Variants in STAC3 observed in about 807,000 individuals in gnomAD.
STAC3 encodes the protein SH3 and cysteine-rich domain-containing protein 3.
Under a neutral mutation model 48.5 loss-of-function variants are expected in STAC3, and 30 were observed. That is an observed-to-expected ratio of 0.62 (90% confidence interval 0.46 to 0.84). STAC3 has a LOEUF of 0.84. Among genes scored for constraint, STAC3 ranks in the 40% least tolerant of loss-of-function variants. The probability of loss-of-function intolerance (pLI) is 0.00; values close to 1 mark genes in which losing one functional copy is unlikely to be tolerated. For synonymous variants in STAC3, 144 were observed against 158.6 expected (o/e 0.91, Z 0.69); for missense variants, 419 against 462.6 (o/e 0.91, Z 0.86).
intron 7 of STAC3, 68 bp from the exon 8 acceptor site, chr12:57,245,033 T>G: frequency 6.2e-7 from 1 of 1,605,346 alleles, no homozygotes; most frequent in South Asian, 1.1e-5. Flanking sequence ...TACCCTTTTG[T>G]GGAAGGGCCT....
At position 57,248,763 on chromosome 12, in the gene STAC3, G is replaced by C; in HGVS notation, c.375C>G (p.Thr125=). Residue 125 remains threonine, a synonymous_variant, in exon 4 of 12, where the codon ACC becomes ACG. Coordinates refer to ENST00000332782, the MANE Select transcript of STAC3 (RefSeq NM_145064.3). ...AGGACTGACAGTGTTCATGGATGTT[G>C]GTTTTGCAGTTCTTACAGCGAAGCC... is the stretch of plus-strand genomic sequence containing the variant. ...KFGLRCKNCK[T]NIHEHCQSYV... 1 of 1,614,108 alleles carries C rather than the reference G, an allele frequency of 6.2e-7. No individual in the cohort carries two copies. The highest frequency in any genetic ancestry group is 8.5e-7 in the Non-Finnish European group (1 of 1,179,988).
chr12:57,249,766 T>C (rs1161213853), intron 1 of STAC3, 129 bp from the exon 2 acceptor site: 1 of 1,001,798 alleles, frequency 1.0e-6, no homozygotes, highest in Non-Finnish European at 1.5e-6. Flanking sequence ...TTTGCTGTTG[T>C]TACTGTTGAG....
At position 57,246,856 on chromosome 12, in the gene STAC3, C is replaced by T. The variant is rs1290103354; in HGVS notation, c.551G>A (p.Gly184Glu). The T allele has an allele frequency of 6.2e-7, 1 of 1,613,820 alleles. No homozygotes were observed. Among genetic ancestry groups the T allele is most frequent in the Non-Finnish European group, 8.5e-7 (1 of 1,179,922 alleles). Residue 184 changes from glycine to glutamate, a missense_variant, in exon 6 of 12, where the codon GGG (glycine) becomes GAG (glutamate). Coordinates refer to ENST00000332782, the MANE Select transcript of STAC3 (RefSeq NM_145064.3). Reference sequence around the variant, plus strand: ...CCGTTCCTTGTTTGCCATGATCACCCCAGTGCGCAGGGTTTCAAACACAGG... The same window carrying T: ...CCGTTCCTTGTTTGCCATGATCACCTCAGTGCGCAGGGTTTCAAACACAGG... ...NDPVFETLRT[G>E]VIMANKERKK...
At position 57,249,565 on chromosome 12, in the gene STAC3, A is replaced by C; in HGVS notation, c.66+6T>G. ...CCACACCCAGTGGTCAGAGGCCCAG[A>C]CTCACCCCACTTTGCCGAGTCTCTG... On this transcript the variant is annotated splice_donor_region_variant and intron_variant, in intron 2 of 11. Transcript: ENST00000332782. 3.1e-6 allele frequency: 5 copies of C among 1,613,572 alleles called. No homozygotes were observed. The South Asian group carries it at 5.5e-5, about 18-fold the overall frequency.
intron 3 of STAC3, 84 bp downstream of exon 3, chr12:57,248,957 T>C: frequency 6.4e-7 from 1 of 1,557,904 alleles, no homozygotes; most frequent in South Asian, 1.2e-5. Flanking sequence ...ACAGCCCATC[T>C]GCTACAAATA....
chr12:57,246,866 G>A lies in STAC3; in HGVS notation c.541C>T (p.Leu181=), dbSNP rs776550199. 7.4e-6 allele frequency: 12 copies of A among 1,613,884 alleles called. No individual in the cohort carries two copies. In the South Asian group the frequency reaches 9.9e-5, roughly 13 times the overall value. The part of the protein sequence containing the change: ...ANRNDPVFET[L]RTGVIMANKE... The stretch of plus-strand genomic sequence containing the variant: ...TTTGCCATGATCACCCCAGTGCGCA[G>A]GGTTTCAAACACAGGATCATTGCGA... The change falls in exon 6 of 12, where the codon CTG becomes TTG. Residue 181 remains leucine (L), a synonymous_variant. Coordinates refer to ENST00000332782, the MANE Select transcript of STAC3 (RefSeq NM_145064.3).
rs779015879 is a variant in STAC3, at chr12:57,248,719, C to G, written c.419G>C (p.Cys140Ser). 1 of 1,613,956 alleles carries G rather than the reference C, an allele frequency of 6.2e-7. No homozygotes were observed. ...HCQSYVEMQR[C>S]FGKIPPGFHR... is the part of the protein sequence containing the mutation. ...CAGCCTACTCACGATCTTGCCGAAG[C>G]ATCTCTGCATTTCCACATAGGACTG... The change falls in exon 4 of 12, where the codon TGC becomes TCC. Residue 140 changes from cysteine to serine, a missense_variant. Cys to Ser is a moderately radical substitution (Grantham distance 112). Coordinates refer to ENST00000332782, the MANE Select transcript of STAC3 (RefSeq NM_145064.3).
At position 57,246,833 on chromosome 12, in the gene STAC3, G is replaced by A. The variant is rs1202021365; in HGVS notation, c.574C>T (p.Arg192Trp). 11 of 1,613,820 alleles carry A rather than the reference G, an allele frequency of 6.8e-6. No homozygotes were observed. The highest frequency in any genetic ancestry group is 2.2e-5 in the East Asian group (1 of 44,892). ...RTGVIMANKE[R>W]KKGQADKKNP... ...TTCTTATCTGCCTGTCCCTTCTTCC[G>A]TTCCTTGTTTGCCATGATCACCCCA... is the stretch of plus-strand genomic sequence containing the variant. Residue 192 changes from arginine (R) to tryptophan (W), a missense_variant, in exon 6 of 12, where the codon CGG becomes TGG. Arg to Trp is a moderately radical substitution (Grantham distance 101, BLOSUM62 -3). Transcript: ENST00000332782.
chr12:57,247,893 A>G (rs1402387500), intron 5 of STAC3, among the ~76,000 whole-genome samples: 12 of 152,218 alleles, frequency 7.9e-5, no homozygotes, highest in Non-Finnish European at 1.5e-4. Flanking sequence ...TGAAGATTCC[A>G]GTCTTGGCTC....
At chr12:57,247,425 ATTATTTTTTTTT>A (rs1165615517) in intron 5 of STAC3, among the ~76,000 whole-genome samples, 5,893 of 58,644 alleles carry the variant, frequency 0.1, 154 homozygotes, top group Non-Finnish European at 0.15. Context: ...TATTATTATT[ATTATTTTTTTTT>A]TTTTTTTTTT....
At chr12:57,249,446 T>A (rs1156372652) in intron 2 of STAC3, 125 bp downstream of exon 2, 4 of 1,497,436 alleles carry the variant, frequency 2.7e-6, no homozygotes, top group Non-Finnish European at 3.6e-6. Flanking sequence ...GTATTGGTAT[T>A]GGGGACTGCA....
In STAC3 at chr12:57,251,045, G is replaced by C. The variant is rs570184534; in HGVS notation, c.-54C>G. On this transcript the variant is annotated 5_prime_UTR_variant, in exon 1 of 12. Transcript: ENST00000332782. ...GGCTGTAGAGGGAGCTGGGAGCCTC[G>C]AGGCCTTGATGGTGGTGCTGGGGAA... The C allele has an allele frequency of 4.8e-6, 2 of 416,274 alleles. No homozygotes were observed. The highest frequency in any genetic ancestry group is 3.3e-5 in the South Asian group (2 of 60,028). 25.8% of individuals were successfully genotyped at this position (416,274 alleles called of 1,614,324 possible).
rs754070574 is a variant in STAC3 at position 57,249,264 on chromosome 12, T to C, written c.111A>G (p.Thr37=). ...GCTCTGGGGGAAGTTCCATCTCCTT[T>C]GTCCCTGTAGAACCCTTCCTGAGTA... ...KQLLRKGSTG[T]KEMELPPEPQ... Residue 37 remains threonine, a synonymous_variant, in exon 3 of 12, where the codon ACA becomes ACG. Coordinates refer to ENST00000332782, the MANE Select transcript of STAC3 (RefSeq NM_145064.3). The C allele has an allele frequency of 3.7e-6, 6 of 1,613,338 alleles. No individual in the cohort carries two copies. The Admixed American group carries it at 1.0e-4, about 27-fold the overall frequency.
chr12:57,249,711 G>C (rs2037855932), intron 1 of STAC3, 74 bp from the exon 2 acceptor site: 1 of 1,542,556 alleles, frequency 6.5e-7, no homozygotes. Context: ...CTTGCAGTAG[G>C]GTGGTCCTCA....
chr12:57,243,844 G>A lies in STAC3; in HGVS notation c.1063C>T (p.Leu355=). Residue 355 remains leucine (L), a synonymous_variant, in exon 12 of 12, where the codon CTG becomes TTG. Transcript: ENST00000332782. ...TCCTCTAGAAAGTCGGTGGGAAACA[G>A]CCCCACCTTGCGGCCGGTGTAGACC... ...VKVYTGRKVG[L]FPTDFLEEI is the part of the protein sequence containing the mutation. 1 of 1,614,076 alleles carries A rather than the reference G, an allele frequency of 6.2e-7. No homozygotes were observed. Among genetic ancestry groups the A allele is most frequent in the Non-Finnish European group, 8.5e-7 (1 of 1,180,012 alleles).
intron 6 of STAC3, among the ~76,000 whole-genome samples, 161 bp from the exon 7 acceptor site, chr12:57,245,372 G>C (rs1245117704): frequency 6.7e-6 from 1 of 150,032 alleles, no homozygotes; most frequent in East Asian, 1.9e-4. Context: ...CCTAATGCAG[G>C]AACTTTTTTT....
chr12:57,249,391 C>A, intron 2 of STAC3, 83 bp from the exon 3 acceptor site: 1 of 1,509,912 alleles, frequency 6.6e-7, no homozygotes. Flanking sequence ...GCAAACTAGA[C>A]AGTTTTCTAG....
chr12:57,246,813 A>T lies in STAC3; in HGVS notation c.594T>A (p.Asp198Glu). The change falls in exon 6 of 12, where the codon GAT becomes GAA. Residue 198 changes from aspartate to glutamate, a missense_variant. Asp to Glu is a conservative substitution (Grantham distance 45). Transcript: ENST00000332782. ...GAGGTACAGTGCTCACATTTTTCTT[A>T]TCTGCCTGTCCCTTCTTCCGTTCCT... ...ANKERKKGQA[D>E]KKNPVAAMME... 1.9e-6 allele frequency: 3 copies of T among 1,613,768 alleles called. No homozygotes were observed. The highest frequency in any genetic ancestry group is 3.3e-4 in the Middle Eastern group (2 of 6,062).
At chr12:57,250,785 C>T (rs949702083) in intron 1 of STAC3, among the ~76,000 whole-genome samples, 3 of 152,060 alleles carry the variant, frequency 2.0e-5, no homozygotes, top group African/African-American at 7.2e-5. Flanking sequence ...TGAGCCTTTC[C>T]TTCCCTTACT....
Sources: gnomAD v4.1 joint callset for allele counts (sites outside exome capture counted in the v4.1 genomes callset) on GRCh38, gnomAD v4.1.1 for gene constraint, MANE v1.5 for transcripts, NCBI Gene and HGNC (gene_info 2026-07-23, HGNC 2026-07-21) for gene names.